NRXN3: variants seen among roughly 807,000 people sequenced by gnomAD.
NRXN3 encodes neurexin 3.
NRXN3 carries 32 observed loss-of-function variants against 137.6 expected under a neutral mutation model. That is an observed-to-expected ratio of 0.23 (90% CI 0.18 to 0.31). The LOEUF (loss-of-function observed/expected upper bound fraction) is 0.31, where lower values mean the gene tolerates loss of function less well. Ranked by LOEUF, NRXN3 falls within the 10% of genes least tolerant of loss-of-function variation. The probability of loss-of-function intolerance (pLI) is 1.00; values close to 1 mark genes in which losing one functional copy is unlikely to be tolerated. For missense variants in NRXN3, 1,574 were observed against 2,062.5 expected, an observed-to-expected ratio of 0.76 and a Z score of 4.59; for synonymous variants, 798 against 784.5, an observed-to-expected ratio of 1.02 and a Z score of -0.29.
At chr14:78,673,664 C>T (rs931279564) in intron 6 of NRXN3, among the ~76,000 whole-genome samples, 5 of 152,126 alleles carry the variant, frequency 3.3e-5, no homozygotes, top group African/African-American at 1.2e-4. Context: ...CTGCAGATGG[C>T]CTTCTTTTTG....
At chr14:79,588,581 C>G (rs988526000) in intron 16 of NRXN3, among the ~76,000 whole-genome samples, 1 of 152,156 alleles carries the variant, frequency 6.6e-6, no homozygotes, top group Admixed American at 6.5e-5. Context: ...GTGGGACTTA[C>G]AGTAATAGAA....
chr14:79,854,245 T>A (rs2099397822), intron 20 of NRXN3: 1 of 619,004 alleles, frequency 1.6e-6, no homozygotes, highest in Admixed American at 6.3e-5. Context: ...TAATATGGTA[T>A]GCTTTTTTAG....
intron 15 of NRXN3, among the ~76,000 whole-genome samples, chr14:79,424,007 G>T (rs2095619244): frequency 6.6e-6 from 1 of 152,090 alleles, no homozygotes; most frequent in African/African-American, 2.4e-5. Flanking sequence ...AGTCACAATT[G>T]CACTCCTCTT....
intron 4 of NRXN3, among the ~76,000 whole-genome samples, chr14:78,405,050 C>T (rs1445457208): frequency 5.9e-5 from 9 of 152,112 alleles, no homozygotes; most frequent in African/African-American, 1.9e-4. Context: ...AGGCTTCATC[C>T]AGCAATTGAT....
chr14:78,934,380 A>G (rs1268011251), intron 10 of NRXN3, among the ~76,000 whole-genome samples: 2 of 152,202 alleles, frequency 1.3e-5, no homozygotes, highest in Admixed American at 1.3e-4. Flanking sequence ...ATGCCCAAGC[A>G]TGACCAGAAG....
intron 19 of NRXN3, among the ~76,000 whole-genome samples, chr14:79,777,748 A>G (rs954757855): frequency 6.6e-6 from 1 of 151,900 alleles, no homozygotes; most frequent in Non-Finnish European, 1.5e-5. Context: ...TGGGTGGGGT[A>G]TCTACTCCAT....
chr14:79,224,757 T>C (rs530051215), intron 15 of NRXN3, among the ~76,000 whole-genome samples: 15 of 152,100 alleles, frequency 9.9e-5, no homozygotes, highest in Admixed American at 9.2e-4. Flanking sequence ...AGGAGAACAT[T>C]GTGTGCAGAC....
intron 15 of NRXN3, among the ~76,000 whole-genome samples, chr14:79,294,105 T>C (rs2083636772): frequency 6.6e-6 from 1 of 152,132 alleles, no homozygotes; most frequent in African/African-American, 2.4e-5. Flanking sequence ...AAAGAGGAAG[T>C]ATCTGAGGGT....
intron 10 of NRXN3, among the ~76,000 whole-genome samples, chr14:78,844,451 T>G (rs2099021017): frequency 6.6e-6 from 1 of 152,118 alleles, no homozygotes; most frequent in Admixed American, 6.6e-5. Context: ...GACCTGAATT[T>G]AAGTTCTTGT....
chr14:79,285,244 A>G (rs528714382), intron 15 of NRXN3, among the ~76,000 whole-genome samples: 11 of 152,304 alleles, frequency 7.2e-5, no homozygotes, highest in Admixed American at 2.6e-4. Context: ...TTACAGTAAG[A>G]ACTTGATTGC....
chr14:78,834,486 T>G (rs1246922740), intron 10 of NRXN3, among the ~76,000 whole-genome samples: 2 of 152,152 alleles, frequency 1.3e-5, no homozygotes, highest in Non-Finnish European at 2.9e-5. Context: ...AGCAAAAAGT[T>G]GCATTATTTT....
intron 20 of NRXN3, among the ~76,000 whole-genome samples, chr14:79,831,530 T>A (rs7157885): frequency 0.91 from 138,590 of 152,226 alleles, 63,124 homozygotes; most frequent in East Asian, 1. Flanking sequence ...CTATGAGCCT[T>A]GGCATTGTGT....
chr14:79,836,856 T>G (rs2178886), intron 20 of NRXN3, among the ~76,000 whole-genome samples: 138,158 of 152,134 alleles, frequency 0.91, 62,760 homozygotes, highest in East Asian at 0.95. Context: ...GTCATTTTTT[T>G]GTCCATGGTT....
At chr14:79,795,112 G>T (rs558258657) in intron 19 of NRXN3, among the ~76,000 whole-genome samples, 1 of 152,208 alleles carries the variant, frequency 6.6e-6, no homozygotes, top group African/African-American at 2.4e-5. Flanking sequence ...CAGCAAATGA[G>T]TGTTGCTGTT....
intron 15 of NRXN3, among the ~76,000 whole-genome samples, chr14:79,431,804 C>A (rs2153554002): frequency 6.6e-6 from 1 of 152,202 alleles, no homozygotes; most frequent in Non-Finnish European, 1.5e-5. Flanking sequence ...GTATTAAGTT[C>A]TATTAATAGA....
intron 4 of NRXN3, among the ~76,000 whole-genome samples, chr14:78,573,744 G>A (rs2096910667): frequency 1.3e-5 from 2 of 152,134 alleles, no homozygotes; most frequent in Admixed American, 6.5e-5. Flanking sequence ...TAAAAGTTTG[G>A]GAAATTTGCA....
chr14:79,640,415 A>G (rs939966810), intron 16 of NRXN3, among the ~76,000 whole-genome samples: 2 of 135,886 alleles, frequency 1.5e-5, no homozygotes, highest in African/African-American at 4.9e-5. Context: ...TAGTTTTCCC[A>G]TTCCTAATGT....
intron 17 of NRXN3, among the ~76,000 whole-genome samples, chr14:79,691,762 G>C (rs533154030): frequency 6.6e-6 from 1 of 152,138 alleles, no homozygotes; most frequent in South Asian, 2.1e-4. Context: ...TAATAGTGCA[G>C]CTTGCGTGAC....
intron 20 of NRXN3, among the ~76,000 whole-genome samples, chr14:79,850,638 T>G (rs776015829): frequency 3.3e-5 from 5 of 152,210 alleles, no homozygotes; most frequent in Non-Finnish European, 7.4e-5. Flanking sequence ...ATTATTGTAT[T>G]ATTTGTTCTC....
Sources: gnomAD v4.1 joint callset for allele counts (sites outside exome capture counted in the v4.1 genomes callset) on GRCh38, gnomAD v4.1.1 for gene constraint, MANE v1.5 for transcripts, NCBI Gene and HGNC (gene_info 2026-07-23, HGNC 2026-07-21) for gene names.